Variants in LYN observed in about 807,000 individuals in gnomAD.
LYN encodes LYN proto-oncogene, Src family tyrosine kinase.
A neutral mutation model predicts 65.0 loss-of-function variants in LYN; 12 were observed. That is an observed-to-expected ratio of 0.18 (90% CI 0.12 to 0.30). The LOEUF is 0.30. LYN is among the 10% of genes least tolerant of loss of function. The pLI is 1.00. For synonymous variants in LYN, 222 were observed against 221.2 expected, an observed-to-expected ratio of 1.00 and a Z score of -0.03; for missense variants, 380 against 623.2, an observed-to-expected ratio of 0.61 and a Z score of 4.16.
chr8:55,915,093 C>A (rs1381129324), intron 1 of LYN, among the ~76,000 whole-genome samples: 4 of 152,016 alleles, frequency 2.6e-5, no homozygotes, highest in Non-Finnish European at 5.9e-5. Flanking sequence ...CTGCTTGTAC[C>A]CTGTGTTAAA....
intron 12 of LYN, among the ~76,000 whole-genome samples, chr8:56,008,118 C>CAA (rs1554519937): frequency 1.6e-5 from 1 of 64,324 alleles, no homozygotes; most frequent in Admixed American, 1.6e-4. Flanking sequence ...GACTCTGCCT[C>CAA]AAAAAAAAAA....
intron 1 of LYN, among the ~76,000 whole-genome samples, chr8:55,897,438 G>A (rs566107786): frequency 1.3e-5 from 2 of 152,242 alleles, no homozygotes; most frequent in East Asian, 1.9e-4. Flanking sequence ...TGGTGGTTTC[G>A]AGGGGTTGAC....
At position 55,908,955 on chromosome 8, in the gene LYN, C is replaced by A. The variant is rs187840793; in HGVS notation, c.-6+28852C>A. 1.3e-3 allele frequency among the ~76,000 whole-genome samples: 168 copies of A among 133,138 alleles called. 1 individual carries two copies. Among genetic ancestry groups the A allele is most frequent in the Non-Finnish European group, 2.2e-3 (136 of 62,304 alleles). 87.3% of individuals were successfully genotyped at this position (133,138 alleles called of 152,430 possible). On this transcript the variant is annotated intron_variant, in intron 1 of 12. Transcript: ENST00000519728. ...TGGCTGCAAAATACATAATTTTATT[C>A]TTTTTTGTGGCTGAATGGTATTCCA...
intron 1 of LYN, among the ~76,000 whole-genome samples, chr8:55,890,871 GTGCA>G (rs1804939881): frequency 6.6e-6 from 1 of 151,960 alleles, no homozygotes; most frequent in African/African-American, 2.4e-5. Flanking sequence ...GAGACTACAG[GTGCA>G]TGCCACCATG....
At position 55,882,617 on chromosome 8, in the gene LYN, A is replaced by T. The variant is rs536959636; in HGVS notation, c.-6+2514A>T. 3.9e-5 allele frequency among the ~76,000 whole-genome samples: 6 copies of T among 152,312 alleles called. No homozygotes were observed. The South Asian group carries it at 6.2e-4, about 16-fold the overall frequency. On this transcript the variant is annotated intron_variant, in intron 1 of 12. Coordinates refer to ENST00000519728, the MANE Select transcript of LYN (RefSeq NM_002350.4). ...ACCACAATCATTAGTCAGGACATTGATCAATGTCACATTGATAGCAGAGAT... is the reference window on the plus strand; with the variant it reads ...ACCACAATCATTAGTCAGGACATTGTTCAATGTCACATTGATAGCAGAGAT...
chr8:55,942,784 C>CAAA (rs397891417), intron 2 of LYN, among the ~76,000 whole-genome samples: 1 of 83,850 alleles, frequency 1.2e-5, no homozygotes, highest in African/African-American at 3.8e-5. Context: ...GACTCTGTCT[C>CAAA]AAAAAAAAAA....
chr8:55,926,114 C>T (rs1806103193), intron 1 of LYN, among the ~76,000 whole-genome samples: 1 of 152,132 alleles, frequency 6.6e-6, no homozygotes, highest in Admixed American at 6.6e-5. Flanking sequence ...ATTTAAAAAC[C>T]AAATAACTAC....
intron 1 of LYN, among the ~76,000 whole-genome samples, chr8:55,888,317 C>G (rs1480049905): frequency 2.0e-5 from 3 of 152,094 alleles, no homozygotes; most frequent in African/African-American, 7.2e-5. Flanking sequence ...AGAGCTTGTT[C>G]CAGAGAGGCA....
intron 1 of LYN, among the ~76,000 whole-genome samples, chr8:55,914,543 G>T (rs1344375479): frequency 1.1e-4 from 17 of 152,128 alleles, no homozygotes; most frequent in Non-Finnish European, 1.8e-4. Context: ...GTAGGTCACA[G>T]CCCTGCCGGC....
chr8:55,987,422 A>T (rs77172803), intron 10 of LYN, among the ~76,000 whole-genome samples: 1 of 151,896 alleles, frequency 6.6e-6, no homozygotes, highest in East Asian at 1.9e-4. Flanking sequence ...AAAAAAAAAA[A>T]ATCTTTTCTG....
chr8:55,882,383 A>G (rs1804675696), intron 1 of LYN, among the ~76,000 whole-genome samples: 1 of 152,222 alleles, frequency 6.6e-6, no homozygotes, highest in African/African-American at 2.4e-5. Context: ...TAGATAAATC[A>G]CCAAAAACAT....
chr8:55,935,335 G>A (rs1453729525), intron 1 of LYN, among the ~76,000 whole-genome samples: 4 of 152,170 alleles, frequency 2.6e-5, no homozygotes, highest in African/African-American at 9.7e-5. Flanking sequence ...CACCAACTGT[G>A]CCCACCCTGG....
intron 1 of LYN, among the ~76,000 whole-genome samples, chr8:55,931,338 T>A (rs2130452090): frequency 6.6e-6 from 1 of 150,584 alleles, no homozygotes; most frequent in African/African-American, 2.4e-5. Context: ...CATTGATACT[T>A]GTATACATAA....
At chr8:56,007,367 C>G (rs909115804) in intron 12 of LYN, among the ~76,000 whole-genome samples, 4 of 152,052 alleles carry the variant, frequency 2.6e-5, no homozygotes, top group South Asian at 4.1e-4. Context: ...CTAAAACTCC[C>G]AAATAAAGAG....
chr8:55,939,625 G>T (rs775130607), intron 1 of LYN, among the ~76,000 whole-genome samples: 1 of 152,190 alleles, frequency 6.6e-6, no homozygotes, highest in Non-Finnish European at 1.5e-5. Flanking sequence ...CGAGCGGCCC[G>T]GTGCGCTGTG....
intron 1 of LYN, among the ~76,000 whole-genome samples, chr8:55,924,149 T>C (rs747740058): frequency 2.6e-5 from 4 of 152,000 alleles, no homozygotes; most frequent in Non-Finnish European, 4.4e-5. Context: ...CATGATCTAA[T>C]GTTGAAACAG....
intron 10 of LYN, among the ~76,000 whole-genome samples, chr8:55,983,046 A>AC (rs1385479007): frequency 6.6e-6 from 1 of 151,626 alleles, no homozygotes; most frequent in Admixed American, 6.6e-5. Context: ...TGGAAGTCCG[A>AC]CCCTTCACCT....
Position 56,010,668 on chromosome 8 carries a change from CT to C in LYN, c.*559del, listed in dbSNP as rs1254472018. On this transcript the variant is annotated 3_prime_UTR_variant, in exon 13 of 13. Coordinates refer to ENST00000519728, the MANE Select transcript of LYN (RefSeq NM_002350.4). Reference sequence around the variant, plus strand: ...CCAGATTTCAATGATTTTTTTCCCCCTACCTCCCAAAATCTGAGACTGTTAA... The same window carrying C: ...CCAGATTTCAATGATTTTTTTCCCCCACCTCCCAAAATCTGAGACTGTTAA... 4 of 233,184 alleles carry C rather than the reference CT, an allele frequency of 1.7e-5. No homozygotes were observed. The highest frequency in any genetic ancestry group is 3.4e-5 in the Non-Finnish European group (4 of 117,946). The allele number at this position is 233,184 out of a possible 1,614,324, so 14.4% of individuals were successfully genotyped here.
chr8:55,974,604 C>T (rs369227348), intron 10 of LYN, among the ~76,000 whole-genome samples: 2 of 152,188 alleles, frequency 1.3e-5, no homozygotes, highest in South Asian at 4.1e-4. Flanking sequence ...GTATGTTGGT[C>T]GTAAATCAGG....
Sources: allele counts gnomAD v4.1 joint callset (sites outside exome capture counted in the v4.1 genomes callset), GRCh38; gene constraint gnomAD v4.1.1; transcripts MANE v1.5; gene names NCBI Gene and HGNC (gene_info 2026-07-23, HGNC 2026-07-21).